Variants in HMG20A observed in about 807,000 individuals in gnomAD.
HMG20A encodes high mobility group 20A.
Under a neutral mutation model 43.9 loss-of-function variants are expected in HMG20A, and 17 were observed. The observed-to-expected ratio is 0.39, with a 90% confidence interval of 0.27 to 0.58. The LOEUF (loss-of-function observed/expected upper bound fraction) is 0.58. HMG20A is among the 20% of genes least tolerant of loss of function. HMG20A has a pLI of 0.59. For missense variants in HMG20A, 341 were observed against 438.2 expected (o/e 0.78, Z 1.98); for synonymous variants, 132 against 147.5 (o/e 0.89, Z 0.76).
chr15:77,466,532 A>G (rs1487649021), intron 3 of HMG20A, among the ~76,000 whole-genome samples: 1 of 152,248 alleles, frequency 6.6e-6, no homozygotes, highest in Non-Finnish European at 1.5e-5. Flanking sequence ...GCTATCTGCT[A>G]TCTGCTATGG....
At chr15:77,500,937 C>T in the HMG20A span, among the ~76,000 whole-genome samples, 102 of 152,250 alleles carry the variant, frequency 6.7e-4, no homozygotes, top group Admixed American at 4.1e-3. Flanking sequence ...CTTTTCTTAC[C>T]TTGTCCTTCC....
Position 77,471,183 on chromosome 15 carries a change from T to C in HMG20A, c.583+141T>C, listed in dbSNP as rs2072805052. The C allele has an allele frequency of 1.5e-5, 12 of 788,346 alleles. No individual in the cohort carries two copies. The East Asian group carries it at 3.4e-4, about 22-fold the overall frequency. 48.8% of individuals were successfully genotyped at this position (788,346 alleles called of 1,614,324 possible). A position where few individuals can be genotyped will look rare whatever the true frequency, so the allele number is the denominator to read the frequency against. On this transcript the variant is annotated intron_variant, in intron 5 of 9. Transcript: ENST00000336216. ...CCAGTATTCACTTACAAGCATTATC[T>C]TGAAATTTTATTAAAATCACATTGC...
intron 6 of HMG20A, among the ~76,000 whole-genome samples, chr15:77,476,404 G>A (rs373284303): frequency 7.0e-6 from 1 of 143,832 alleles, no homozygotes; most frequent in African/African-American, 2.5e-5. Flanking sequence ...AGAATTGCTT[G>A]AACCTGGGAG....
At chr15:77,448,603 T>C (rs2142308013) in intron 1 of HMG20A, among the ~76,000 whole-genome samples, 1 of 152,316 alleles carries the variant, frequency 6.6e-6, no homozygotes, top group Admixed American at 6.5e-5. Flanking sequence ...ATTTTACTTA[T>C]TTTATCTTGT....
chr15:77,454,001 C>T (rs904089102), intron 1 of HMG20A, among the ~76,000 whole-genome samples: 21 of 147,186 alleles, frequency 1.4e-4, no homozygotes, highest in Admixed American at 2.7e-4. Flanking sequence ...GAAACCCTAT[C>T]TCTACAAAAA....
chr15:77,516,925 G>T, the HMG20A span, among the ~76,000 whole-genome samples: 4 of 152,158 alleles, frequency 2.6e-5, no homozygotes, highest in Admixed American at 2.6e-4. Flanking sequence ...CAGCAGGGTG[G>T]AGGCTGCTGT....
chr15:77,513,226 T>G, the HMG20A span, among the ~76,000 whole-genome samples: 1 of 152,216 alleles, frequency 6.6e-6, no homozygotes. Context: ...CTACCTTCAC[T>G]GGCTGCAATG....
Position 77,426,782 on chromosome 15 carries a change from A to G in HMG20A, c.-5+5778A>G, listed in dbSNP as rs188170398. Among the ~76,000 whole-genome samples the G allele has an allele frequency of 1.1e-4, 17 of 152,298 alleles. No homozygotes were observed. In the East Asian group the frequency reaches 3.1e-3, roughly 28 times the overall value. On this transcript the variant is annotated intron_variant, in intron 1 of 9. Transcript: ENST00000336216. ...ATTTTGAATGGAGCCAGAAGAAAGA[A>G]GCAAGAGGTGTGAAAGCAAGGAAAT...
rs1395733187 is a variant in HMG20A, at chr15:77,479,439, T to TG, written c.*6+120dup. ...ACATTGGATGAACAAGTTGGAGACT[T>TG]GGTTAAGATTCCTGTTGCATGGTTG... On this transcript the variant is annotated intron_variant, in intron 9 of 9. Transcript: ENST00000336216. 20 of 907,188 alleles carry TG rather than the reference T, an allele frequency of 2.2e-5. No individual in the cohort carries two copies. In the African/African-American group the frequency reaches 2.9e-4, roughly 13 times the overall value. 56.2% of individuals were successfully genotyped at this position (907,188 alleles called of 1,614,324 possible). A position where few individuals can be genotyped will look rare whatever the true frequency, so the allele number is the denominator to read the frequency against.
Position 77,420,908 on chromosome 15 carries a change from G to A in HMG20A, c.-101G>A, listed in dbSNP as rs1370134728. Reference sequence around the variant, plus strand: ...TGTCCAGCTGTGAGACGACGAGTGCGTGAAGTGAAGGCGATTGAGAGGGGC... The same window carrying A: ...TGTCCAGCTGTGAGACGACGAGTGCATGAAGTGAAGGCGATTGAGAGGGGC... On this transcript the variant is annotated 5_prime_UTR_variant, in exon 1 of 10. It adds an upstream start codon to the 5' untranslated region. Coordinates refer to ENST00000336216, the MANE Select transcript of HMG20A (RefSeq NM_001304504.2). 1.5e-5 allele frequency: 6 copies of A among 398,666 alleles called. No homozygotes were observed. Among genetic ancestry groups the A allele is most frequent in the Non-Finnish European group, 2.7e-5 (6 of 226,154 alleles). 24.7% of individuals were successfully genotyped at this position (398,666 alleles called of 1,614,324 possible).
chr15:77,481,991 C>T (rs2072909116), intron 9 of HMG20A: 1 of 152,176 alleles, frequency 6.6e-6, no homozygotes, highest in African/African-American at 2.4e-5. Flanking sequence ...TTCAGAGGAG[C>T]ATATTAGGGA....
At chr15:77,473,649 C>T (rs2072830001) in intron 6 of HMG20A, among the ~76,000 whole-genome samples, 1 of 152,154 alleles carries the variant, frequency 6.6e-6, no homozygotes, top group Non-Finnish European at 1.5e-5. Flanking sequence ...TATCATAGAA[C>T]CTGCTGCTGA....
At chr15:77,463,843 C>G (rs1382719442) in intron 2 of HMG20A, among the ~76,000 whole-genome samples, 2 of 152,170 alleles carry the variant, frequency 1.3e-5, no homozygotes, top group African/African-American at 4.8e-5. Context: ...GGCAAACTGC[C>G]TCTACAACTC....
At chr15:77,444,538 ACAAT>A (rs1411635958) in intron 1 of HMG20A, among the ~76,000 whole-genome samples, 1 of 152,242 alleles carries the variant, frequency 6.6e-6, no homozygotes, top group Non-Finnish European at 1.5e-5. Context: ...AAAAAAAGAA[ACAAT>A]CAGTAGCTTT....
chr15:77,492,373 C>A, the HMG20A span, among the ~76,000 whole-genome samples: 1 of 152,078 alleles, frequency 6.6e-6, no homozygotes, highest in African/African-American at 2.4e-5. Flanking sequence ...TGTTTATAAT[C>A]AAAAGAAATG....
chr15:77,430,685 G>A (rs10519167), intron 1 of HMG20A, among the ~76,000 whole-genome samples: 1 of 152,048 alleles, frequency 6.6e-6, no homozygotes, highest in African/African-American at 2.4e-5. Flanking sequence ...CTTGGGTCAA[G>A]ATCCCTAGAG....
At chr15:77,492,162 G>A in the HMG20A span, among the ~76,000 whole-genome samples, 1 of 152,200 alleles carries the variant, frequency 6.6e-6, no homozygotes, top group South Asian at 2.1e-4. Context: ...TTAACAATGT[G>A]TTATGTAGGA....
intron 1 of HMG20A, among the ~76,000 whole-genome samples, chr15:77,450,380 G>A (rs905524537): frequency 7.9e-5 from 12 of 152,174 alleles, no homozygotes; most frequent in African/African-American, 2.9e-4. Flanking sequence ...TCCATTTATG[G>A]TGTATCCATT....
downstream of HMG20A, among the ~76,000 whole-genome samples, chr15:77,487,170 A>G (rs1054439908): frequency 6.6e-6 from 1 of 152,202 alleles, no homozygotes; most frequent in Non-Finnish European, 1.5e-5. Flanking sequence ...TGGAAATCGT[A>G]TTCAACACTT....
Sources: gnomAD v4.1 joint callset for allele counts (sites outside exome capture counted in the v4.1 genomes callset) on GRCh38, gnomAD v4.1.1 for gene constraint, MANE v1.5 for transcripts, NCBI Gene and HGNC (gene_info 2026-07-23, HGNC 2026-07-21) for gene names.